The following CWH43 variants were observed in gnomAD, a reference collection of about 807,000 sequenced individuals.
CWH43 encodes the protein PGAP2-interacting protein.
A neutral mutation model predicts 85.7 loss-of-function variants in CWH43; 91 were observed. That is an observed-to-expected ratio of 1.06 (90% confidence interval 0.90 to 1.26). The LOEUF is 1.26. Among genes scored for constraint, CWH43 ranks in the 50% most tolerant of loss-of-function variants. The pLI, the probability that CWH43 is intolerant of heterozygous loss-of-function variation, is 0.00. For synonymous variants in CWH43, 323 were observed against 293.6 expected (o/e 1.10, Z -1.02); for missense variants, 869 against 839.2 (o/e 1.04, Z -0.44).
chr4:49,055,951 C>G (rs1409882945), intron 15 of CWH43, among the ~76,000 whole-genome samples: 16 of 147,028 alleles, frequency 1.1e-4, no homozygotes, highest in Non-Finnish European at 2.1e-4. Context: ...TTTTAGGGTA[C>G]ATGTGCACAT....
In CWH43 at chr4:48,994,638, T is replaced by C; in HGVS notation, c.531T>C (p.Pro177=). ...RIGTDGDCSK[P]EEKKTGEVAT... is the part of the protein sequence containing the mutation. ...TTCTAGATGGTGACTGCAGTAAACCTGAAGAAAAGAAGACTGGTGAGGTAG... is the reference window on the plus strand; with the variant it reads ...TTCTAGATGGTGACTGCAGTAAACCCGAAGAAAAGAAGACTGGTGAGGTAG... The change falls in exon 5 of 16, where the codon CCT becomes CCC. Residue 177 remains proline, a synonymous_variant. Transcript: ENST00000226432. The C allele has an allele frequency of 6.2e-7, 1 of 1,612,990 alleles. No homozygotes were observed. Among genetic ancestry groups the C allele is most frequent in the Non-Finnish European group, 8.5e-7 (1 of 1,179,744 alleles).
intron 9 of CWH43, among the ~76,000 whole-genome samples, chr4:49,020,384 T>TAC (rs35489918): frequency 0.014 from 1,726 of 120,148 alleles, 28 homozygotes; most frequent in East Asian, 0.038. Flanking sequence ...AGTATTCCAT[T>TAC]ACACACACAC....
At chr4:49,053,757 C>T (rs1784868845) in intron 15 of CWH43, among the ~76,000 whole-genome samples, 1 of 152,084 alleles carries the variant, frequency 6.6e-6, no homozygotes, top group South Asian at 2.1e-4. Flanking sequence ...AAATTCAAAA[C>T]TTTTTGAGCA....
intron 7 of CWH43, among the ~76,000 whole-genome samples, chr4:49,005,570 T>G (rs1337328138): frequency 6.6e-6 from 1 of 151,338 alleles, no homozygotes; most frequent in Non-Finnish European, 1.5e-5. Flanking sequence ...TTTCTTTTTT[T>G]TTTTTTTGAG....
At chr4:49,045,566 C>T (rs1247337396) in intron 14 of CWH43, among the ~76,000 whole-genome samples, 1 of 152,076 alleles carries the variant, frequency 6.6e-6, no homozygotes, top group East Asian at 1.9e-4. Flanking sequence ...ATATTCAGTA[C>T]AGTTACATGC....
Position 48,992,064 on chromosome 4 carries a change from T to C in CWH43, c.485T>C (p.Ile162Thr), listed in dbSNP as rs936381805. 6.2e-7 allele frequency: 1 copy of C among 1,613,962 alleles called. No homozygotes were observed. Among genetic ancestry groups the C allele is most frequent in the African/African-American group, 1.3e-5 (1 of 74,956 alleles). ...AAAGTGATACTGACATTAAGTGCCA[T>C]AGCCACACTTGATCGTATTGGCACA... ...SNKVILTLSA[I>T]ATLDRIGTDG... Residue 162 changes from isoleucine (I) to threonine (T), a missense_variant, in exon 4 of 16, where the codon ATA (isoleucine) becomes ACA (threonine). Ile to Thr is a moderately conservative substitution (Grantham distance 89). This residue lies in a region of CWH43 where 152 missense variants were observed against 203.6 expected (regional missense o/e 0.75). Transcript: ENST00000226432. The surrounding 1 kb of genome is among the most constrained non-coding windows in gnomAD (Gnocchi z 4.3).
chr4:49,050,609 T>C, intron 14 of CWH43, 85 bp from the exon 15 acceptor site: 2 of 1,072,792 alleles, frequency 1.9e-6, no homozygotes, highest in South Asian at 3.6e-5. Flanking sequence ...GAAACTGGTT[T>C]AATAACAAAG....
intron 8 of CWH43, among the ~76,000 whole-genome samples, chr4:49,012,938 C>T (rs1164561762): frequency 1.3e-5 from 2 of 152,246 alleles, no homozygotes; most frequent in Admixed American, 6.5e-5. Context: ...AGTTAGGCTA[C>T]ATGGGGGTCA....
intron 14 of CWH43, among the ~76,000 whole-genome samples, chr4:49,045,324 T>C (rs1330159627): frequency 6.6e-6 from 1 of 152,146 alleles, no homozygotes; most frequent in Admixed American, 6.6e-5. Context: ...AAAATATCAT[T>C]CCACATAAAA....
chr4:49,014,976 G>A (rs1174163860), intron 8 of CWH43, among the ~76,000 whole-genome samples: 1 of 152,144 alleles, frequency 6.6e-6, no homozygotes, highest in Non-Finnish European at 1.5e-5. Flanking sequence ...AGATCCCTCA[G>A]TGCGGTATCA....
At position 49,038,175 on chromosome 4, in the gene CWH43, G is replaced by C. The variant is rs372102476; in HGVS notation, c.1798G>C (p.Val600Leu). The C allele has an allele frequency of 6.4e-7, 1 of 1,566,854 alleles. No homozygotes were observed. The highest frequency in any genetic ancestry group is 1.4e-5 in the African/African-American group (1 of 72,818). Residue 600 changes from valine (V) to leucine (L), a missense_variant, in exon 13 of 16, where the codon GTG (valine) becomes CTG (leucine). By Grantham distance (32) the Val-to-Leu change is conservative (BLOSUM62 1). Coordinates refer to ENST00000226432, the MANE Select transcript of CWH43 (RefSeq NM_025087.3). ...DYLQLTEHGNVKDIDSTDHDR... is the reference protein window; with the variant it reads ...DYLQLTEHGNLKDIDSTDHDR... Reference sequence around the variant, plus strand: ...TCTACAGCTCACTGAACATGGCAATGTGAAGGTAACATAATCTTAATAGGA... The same window carrying C: ...TCTACAGCTCACTGAACATGGCAATCTGAAGGTAACATAATCTTAATAGGA...
intron 13 of CWH43, among the ~76,000 whole-genome samples, chr4:49,039,394 C>CTGATGTATATAT (rs869163366): frequency 3.6e-5 from 2 of 55,898 alleles, no homozygotes; most frequent in Non-Finnish European, 8.0e-5. Context: ...TATATATATA[C>CTGATGTATATAT]ACACTGATAT....
At chr4:49,033,305 C>A (rs1263781779) in intron 12 of CWH43, among the ~76,000 whole-genome samples, 4 of 152,168 alleles carry the variant, frequency 2.6e-5, no homozygotes, top group African/African-American at 9.7e-5. Context: ...AGAGGGAGAT[C>A]AAAATATCAC....
intron 12 of CWH43, among the ~76,000 whole-genome samples, chr4:49,033,257 A>G (rs1205622665): frequency 2.0e-5 from 3 of 152,208 alleles, no homozygotes; most frequent in African/African-American, 7.2e-5. Flanking sequence ...TCTCTCCCTC[A>G]TGTTTTCACA....
rs141018122 is a variant in CWH43 at position 49,044,089 on chromosome 4, C to A, written c.1804-697C>A. ...ATTTTTTATTTATAAGATATTTAAA[C>A]AGAATAAAATGGAGATTTCTTTCTT... On this transcript the variant is annotated intron_variant, in intron 13 of 15. Transcript: ENST00000226432. Among the ~76,000 whole-genome samples, 264 of 152,150 alleles carry A rather than the reference C, an allele frequency of 1.7e-3. 1 individual carries two copies. The highest frequency in any genetic ancestry group is 5.9e-3 in the African/African-American group (246 of 41,548).
chr4:48,999,749 A>G (rs1212614476), intron 6 of CWH43, among the ~76,000 whole-genome samples: 1 of 152,160 alleles, frequency 6.6e-6, no homozygotes, highest in Non-Finnish European at 1.5e-5. Context: ...TTAGAGTTCC[A>G]TGATGAAGCT....
At position 49,038,111 on chromosome 4, in the gene CWH43, T is replaced by A; in HGVS notation, c.1734T>A (p.Phe578Leu). Residue 578 changes from phenylalanine to leucine, a missense_variant, in exon 13 of 16, where the codon TTT (phenylalanine) becomes TTA (leucine). By Grantham distance (22) the Phe-to-Leu change is conservative. This residue lies in a region of CWH43 where 577 missense variants were observed against 513.1 expected (regional missense o/e 1.12). Coordinates refer to ENST00000226432, the MANE Select transcript of CWH43 (RefSeq NM_025087.3). ...LLKSSSNQVI[F>L]LGYITSAPGS... is the part of the protein sequence containing the mutation. ...AAAGTAGCTCTAATCAAGTGATATT[T>A]CTGGGATATATCACTTCAGCACCTG... 2 of 1,613,170 alleles carry A rather than the reference T, an allele frequency of 1.2e-6. No individual in the cohort carries two copies. Among genetic ancestry groups the A allele is most frequent in the South Asian group, 2.2e-5 (2 of 90,858 alleles).
At chr4:49,048,873 G>A (rs1784711265) in intron 14 of CWH43, among the ~76,000 whole-genome samples, 1 of 152,074 alleles carries the variant, frequency 6.6e-6, no homozygotes, top group African/African-American at 2.4e-5. Flanking sequence ...AGGAACTAGG[G>A]TTTTTCAGTT....
At position 48,988,641 on chromosome 4, in the gene CWH43, C is replaced by A. The variant is rs771200282; in HGVS notation, c.208C>A (p.Leu70Ile). The A allele has an allele frequency of 6.2e-7, 1 of 1,610,278 alleles. No individual in the cohort carries two copies. Among genetic ancestry groups the A allele is most frequent in the Admixed American group, 1.7e-5 (1 of 59,582 alleles). Residue 70 changes from leucine to isoleucine, a missense_variant, in exon 2 of 16, where the codon CTA becomes ATA. Physicochemically the swap from Leu to Ile is conservative, Grantham distance 5. Around this residue, in one of 3 missense-constraint regions of CWH43, gnomAD observed 140 missense variants for 122.6 expected, o/e 1.14. Transcript: ENST00000226432. ...GAAATTGGTTAACAAGAAGTGGATG[C>A]TAACCCTGCTGAGGATAATCACTAT... The part of the protein sequence containing the change: ...FWKLVNKKWM[L>I]TLLRIITIGS...
Sources: gnomAD v4.1 joint callset for allele counts (sites outside exome capture counted in the v4.1 genomes callset) on GRCh38, gnomAD v4.1.1 for gene constraint, gnomAD v4.1.1 regional missense constraint, Gnocchi (gnomAD v3.1) non-coding constraint, MANE v1.5 for transcripts, NCBI Gene and HGNC (gene_info 2026-07-23, HGNC 2026-07-21) for gene names.